Variants in MCF2L2 observed in about 807,000 individuals in gnomAD.
MCF2L2 encodes the protein probable guanine nucleotide exchange factor MCF2L2.
A neutral mutation model predicts 150.2 loss-of-function variants in MCF2L2; 102 were observed. The observed-to-expected ratio is 0.68, with a 90% confidence interval of 0.58 to 0.80. The LOEUF (loss-of-function observed/expected upper bound fraction) is 0.80. Ranked by LOEUF, MCF2L2 falls within the 30% of genes least tolerant of loss-of-function variation. The probability of loss-of-function intolerance (pLI) is 0.00; values close to 1 mark genes in which losing one functional copy is unlikely to be tolerated. For synonymous variants in MCF2L2, 465 were observed against 491.3 expected (o/e 0.95, Z 0.71); for missense variants, 1,256 against 1,372.8 (o/e 0.91, Z 1.34).
intron 3 of MCF2L2, among the ~76,000 whole-genome samples, chr3:183,342,677 T>C (rs994450122): frequency 2.0e-5 from 3 of 150,750 alleles, no homozygotes; most frequent in African/African-American, 4.9e-5. Context: ...TGTGTATGCA[T>C]ATATGTACAA....
At position 183,338,826 on chromosome 3, in the gene MCF2L2, G is replaced by T; in HGVS notation, c.460C>A (p.Arg154=). ...GGCACTTTCGTTTTAAACTCATTTC[G>T]ATAGTATTTAATGCCAATGTCAGTG... ...TFTDIGIKYY[R]NEFKTKVPII... is the part of the protein sequence containing the mutation. Residue 154 remains arginine (R), a synonymous_variant, in exon 5 of 30, where the codon CGA becomes AGA. Transcript: ENST00000328913. The T allele has an allele frequency of 6.2e-7, 1 of 1,602,894 alleles. No individual in the cohort carries two copies. Among genetic ancestry groups the T allele is most frequent in the Non-Finnish European group, 8.5e-7 (1 of 1,172,214 alleles).
At chr3:183,346,456 T>A (rs756968277) in intron 3 of MCF2L2, among the ~76,000 whole-genome samples, 1 of 152,154 alleles carries the variant, frequency 6.6e-6, no homozygotes, top group Non-Finnish European at 1.5e-5. Context: ...GCCAATATCA[T>A]ACTGAATGGG....
At chr3:183,238,285 T>G (rs1723834096) in intron 15 of MCF2L2, among the ~76,000 whole-genome samples, 2 of 150,970 alleles carry the variant, frequency 1.3e-5, no homozygotes, top group African/African-American at 4.9e-5. Flanking sequence ...ATCGTTAGTG[T>G]TAATGTATTT....
In MCF2L2 at chr3:183,270,182, G is replaced by A; in HGVS notation, c.1862+6690C>T. 2 of 1,614,138 alleles carry A rather than the reference G, an allele frequency of 1.2e-6. No individual in the cohort carries two copies. Among genetic ancestry groups the A allele is most frequent in the Non-Finnish European group, 8.5e-7 (1 of 1,180,030 alleles). On this transcript the variant is annotated intron_variant, in intron 15 of 29. Transcript: ENST00000328913. This position sits in a 1 kb window ranked among gnomAD's most constrained non-coding sequence, Gnocchi z 4.5. Reference sequence around the variant, plus strand: ...AGCTGAATGCCAACATCAAAACTCTGTTTGCCTTAGGAACTCCTAATCCAC... The same window carrying A: ...AGCTGAATGCCAACATCAAAACTCTATTTGCCTTAGGAACTCCTAATCCAC...
intron 5 of MCF2L2, among the ~76,000 whole-genome samples, chr3:183,337,552 C>CAAAAAAAAAAAAAA (rs61184812): frequency 1.4e-5 from 1 of 71,996 alleles, no homozygotes; most frequent in South Asian, 4.7e-4. Context: ...GACTCCATCT[C>CAAAAAAAAAAAAAA]AAAAAAAAAA....
At chr3:183,241,873 T>C (rs1724040936) in intron 15 of MCF2L2, among the ~76,000 whole-genome samples, 1 of 152,200 alleles carries the variant, frequency 6.6e-6, no homozygotes, top group Non-Finnish European at 1.5e-5. Flanking sequence ...TTGACCAAAA[T>C]GCTGATAGTG....
rs140670435 is a variant in MCF2L2 at position 183,358,046 on chromosome 3, G to C, written c.276-16416C>G. On this transcript the variant is annotated intron_variant, in intron 3 of 29. Coordinates refer to ENST00000328913, the MANE Select transcript of MCF2L2 (RefSeq NM_015078.4). ...CTTACACCTGTAATCCCAGCACTTTGGGAGGCCGAGAAGGGCAGATGACCT... is the reference window on the plus strand; with the variant it reads ...CTTACACCTGTAATCCCAGCACTTTCGGAGGCCGAGAAGGGCAGATGACCT... 2.0e-5 allele frequency among the ~76,000 whole-genome samples: 3 copies of C among 152,280 alleles called. No homozygotes were observed. The East Asian group carries it at 5.8e-4, about 29-fold the overall frequency.
intron 16 of MCF2L2, 70 bp downstream of exon 16, chr3:183,230,881 G>T: frequency 8.2e-7 from 1 of 1,219,260 alleles, no homozygotes. Context: ...ACTATTTTGA[G>T]TCTCTTTGTA....
At chr3:183,259,565 T>G (rs1005727700) in intron 15 of MCF2L2, among the ~76,000 whole-genome samples, 1 of 152,166 alleles carries the variant, frequency 6.6e-6, no homozygotes, top group Admixed American at 6.5e-5. Flanking sequence ...TTGATACAGC[T>G]TTTTCATTAG....
intron 1 of MCF2L2, among the ~76,000 whole-genome samples, chr3:183,407,902 G>A (rs181246120): frequency 2.6e-5 from 4 of 152,226 alleles, no homozygotes; most frequent in Admixed American, 2.6e-4. Flanking sequence ...CCCTCTTCAC[G>A]GCGGGGGAGA....
chr3:183,338,142 T>C (rs976814033), intron 5 of MCF2L2, among the ~76,000 whole-genome samples: 86 of 152,114 alleles, frequency 5.7e-4, no homozygotes, highest in African/African-American at 2.0e-3. Context: ...CCATGTCACT[T>C]CCCACCTAGA....
chr3:183,305,215 T>C lies in MCF2L2; in HGVS notation c.1113+4501A>G, dbSNP rs1292290354. ...TCAGACCAACATACACAGAGAAAAA[T>C]GGCTGCACTTGTTCTGCCTAAACTT... On this transcript the variant is annotated intron_variant, in intron 10 of 29. Coordinates refer to ENST00000328913, the MANE Select transcript of MCF2L2 (RefSeq NM_015078.4). This position sits in a 1 kb window ranked among gnomAD's most constrained non-coding sequence, Gnocchi z 4.1. Among the ~76,000 whole-genome samples the C allele has an allele frequency of 2.0e-5, 3 of 152,220 alleles. No homozygotes were observed. The highest frequency in any genetic ancestry group is 1.9e-4 in the East Asian group (1 of 5,182).
Position 183,179,248 on chromosome 3 carries a change from G to A in MCF2L2, c.*132C>T, listed in dbSNP as rs915718536. The A allele has an allele frequency of 9.4e-5, 119 of 1,259,510 alleles. No individual in the cohort carries two copies. Among genetic ancestry groups the A allele is most frequent in the Non-Finnish European group, 1.2e-4 (117 of 976,210 alleles). 78.0% of individuals were successfully genotyped at this position (1,259,510 alleles called of 1,614,324 possible). ...CTCGGGCTCCTCGGAGGAGGCCCTG[G>A]TTGTCCCCTTTCTGCCGCCGCCGAG... On this transcript the variant is annotated 3_prime_UTR_variant, in exon 30 of 30. Coordinates refer to ENST00000328913, the MANE Select transcript of MCF2L2 (RefSeq NM_015078.4). This position sits in a 1 kb window ranked among gnomAD's most constrained non-coding sequence, Gnocchi z 4.2.
intron 15 of MCF2L2, among the ~76,000 whole-genome samples, chr3:183,238,288 A>G (rs1398402918): frequency 1.5e-5 from 2 of 136,098 alleles, no homozygotes; most frequent in African/African-American, 5.6e-5. Context: ...GTTAGTGTTA[A>G]TGTATTTTTT....
chr3:183,412,673 G>A (rs1323821609), intron 1 of MCF2L2, among the ~76,000 whole-genome samples: 1 of 152,148 alleles, frequency 6.6e-6, no homozygotes, highest in Non-Finnish European at 1.5e-5. Context: ...AATACAGATA[G>A]TTTTACTCCC....
rs998594283 is a variant in MCF2L2 at position 183,315,156 on chromosome 3, C to T, written c.753+2912G>A. 4.6e-5 allele frequency among the ~76,000 whole-genome samples: 7 copies of T among 151,218 alleles called. No individual in the cohort carries two copies. In the South Asian group the frequency reaches 8.4e-4, roughly 18 times the overall value. On this transcript the variant is annotated intron_variant, in intron 7 of 29. Transcript: ENST00000328913. ...TTCACCATGTTGGCCAGGCTCGTCT[C>T]GAACTCCTGACCTCAGGTGATCCAC...
chr3:183,229,744 T>C lies in MCF2L2; in HGVS notation c.1967A>G (p.His656Arg). Reference sequence around the variant, plus strand: ...ATTCTGAAGAACATCTGGAATTAGATGCTTTAGCCAAATAAAATCCATTGG... The same window carrying C: ...ATTCTGAAGAACATCTGGAATTAGACGCTTTAGCCAAATAAAATCCATTGG... ...ITPMDFIWLK[H>R]LIPDVLQNNK... The change falls in exon 17 of 30, where the codon CAT (histidine) becomes CGT (arginine). Residue 656 changes from histidine (H) to arginine (R), a missense_variant. Physicochemically the swap from His to Arg is conservative, Grantham distance 29. Transcript: ENST00000328913. 2.5e-6 allele frequency: 4 copies of C among 1,603,036 alleles called. No homozygotes were observed. Among genetic ancestry groups the C allele is most frequent in the Non-Finnish European group, 3.4e-6 (4 of 1,171,370 alleles).
In MCF2L2 at chr3:183,231,034, G is replaced by A; in HGVS notation, c.1863-17C>T. Reference sequence around the variant, plus strand: ...ATAATGCGCCTGAATCACAGCAGCAGGTGGGAGGGTGAAAGAGAGAGAGAC... The same window carrying A: ...ATAATGCGCCTGAATCACAGCAGCAAGTGGGAGGGTGAAAGAGAGAGAGAC... On this transcript the variant is annotated splice_polypyrimidine_tract_variant and intron_variant, in intron 15 of 29. Transcript: ENST00000328913. 1 of 1,594,148 alleles carries A rather than the reference G, an allele frequency of 6.3e-7. No homozygotes were observed. Among genetic ancestry groups the A allele is most frequent in the Non-Finnish European group, 8.6e-7 (1 of 1,162,386 alleles).
At chr3:183,323,105 G>T in intron 6 of MCF2L2, 130 bp downstream of exon 6, 1 of 604,074 alleles carries the variant, frequency 1.7e-6, no homozygotes. Context: ...CCCTGTGGCT[G>T]AGAAATCCCA....
Sources: gnomAD v4.1 joint callset for allele counts (sites outside exome capture counted in the v4.1 genomes callset) on GRCh38, gnomAD v4.1.1 for gene constraint, Gnocchi (gnomAD v3.1) non-coding constraint, MANE v1.5 for transcripts, NCBI Gene and HGNC (gene_info 2026-07-23, HGNC 2026-07-21) for gene names.